The following NAALADL2 variants were observed in gnomAD, a reference collection of about 807,000 sequenced individuals.
The protein encoded by NAALADL2 is inactive N-acetylated-alpha-linked acidic dipeptidase-like protein 2.
In NAALADL2, 76 loss-of-function variants were observed where a neutral mutation model predicts 87.2. That is an observed-to-expected ratio of 0.87 (90% CI 0.72 to 1.05). The LOEUF (loss-of-function observed/expected upper bound fraction) is 1.05. NAALADL2 is among the 50% of genes least tolerant of loss of function. NAALADL2 has a pLI of 0.00. For missense variants in NAALADL2, 1,089 were observed against 945.8 expected (o/e 1.15, Z -1.99); for synonymous variants, 354 against 331.0 (o/e 1.07, Z -0.75).
chr3:174,738,372 G>T (rs1733416064), intron 3 of NAALADL2, among the ~76,000 whole-genome samples: 1 of 152,156 alleles, frequency 6.6e-6, no homozygotes, highest in Non-Finnish European at 1.5e-5. Flanking sequence ...CACACTTCAG[G>T]AACATAGACA....
chr3:174,583,680 C>A (rs1391747380), intron 2 of NAALADL2, among the ~76,000 whole-genome samples: 2 of 152,120 alleles, frequency 1.3e-5, no homozygotes, highest in African/African-American at 4.8e-5. Flanking sequence ...TACGTTGTTT[C>A]TTTTCCTCTC....
chr3:174,645,233 C>T (rs1246941558), intron 2 of NAALADL2, among the ~76,000 whole-genome samples: 3 of 152,136 alleles, frequency 2.0e-5, no homozygotes, highest in Admixed American at 6.5e-5. Context: ...GAGAGTGAAA[C>T]ACATCTCAGT....
At chr3:175,041,277 G>T in intron 1 of NAALADL2, among the ~76,000 whole-genome samples, 1 of 152,078 alleles carries the variant, frequency 6.6e-6, no homozygotes, top group African/African-American at 2.4e-5. Flanking sequence ...TTCTGAAGAT[G>T]TTAATATGTA....
intron 2 of NAALADL2, among the ~76,000 whole-genome samples, chr3:174,664,795 A>C (rs548135203): frequency 6.6e-6 from 1 of 152,316 alleles, no homozygotes; most frequent in East Asian, 1.9e-4. Context: ...TTGATTTACT[A>C]TCTCACTGGT....
chr3:175,749,815 A>G (rs1055606175), intron 12 of NAALADL2, among the ~76,000 whole-genome samples: 1 of 152,222 alleles, frequency 6.6e-6, no homozygotes, highest in South Asian at 2.1e-4. Context: ...CAGTGGATAC[A>G]GTCGTTACTG....
At chr3:175,377,429 C>T (rs780862734) in intron 5 of NAALADL2, among the ~76,000 whole-genome samples, 1 of 152,040 alleles carries the variant, frequency 6.6e-6, no homozygotes, top group Non-Finnish European at 1.5e-5. Context: ...AGGATTGTTA[C>T]TTGTTTTTGC....
intron 5 of NAALADL2, among the ~76,000 whole-genome samples, chr3:175,382,913 C>T (rs1194561247): frequency 6.6e-6 from 1 of 152,032 alleles, no homozygotes; most frequent in African/African-American, 2.4e-5. Context: ...GATTTACACA[C>T]TTGAGTTAAG....
intron 3 of NAALADL2, among the ~76,000 whole-genome samples, chr3:174,751,085 A>G (rs1734773659): frequency 6.6e-6 from 1 of 152,090 alleles, no homozygotes. Context: ...TGGTATCTCC[A>G]GTGGAATTAC....
intron 11 of NAALADL2, among the ~76,000 whole-genome samples, chr3:175,704,710 T>C (rs756306800): frequency 3.3e-5 from 5 of 152,148 alleles, no homozygotes; most frequent in Non-Finnish European, 5.9e-5. Context: ...AATTGGATAT[T>C]TTGGTGACTT....
intron 2 of NAALADL2, among the ~76,000 whole-genome samples, chr3:174,617,512 G>T (rs1050352347): frequency 6.6e-6 from 1 of 151,540 alleles, no homozygotes; most frequent in Non-Finnish European, 1.5e-5. Flanking sequence ...TTTTTATATT[G>T]CATGGGATTG....
chr3:174,455,153 A>G (rs528172554), intron 1 of NAALADL2, among the ~76,000 whole-genome samples: 6 of 152,290 alleles, frequency 3.9e-5, no homozygotes, highest in Non-Finnish European at 8.8e-5. Flanking sequence ...ATTCCTGGAT[A>G]TACACACCCT....
chr3:175,165,475 A>G (rs1560109403), intron 2 of NAALADL2, among the ~76,000 whole-genome samples: 1 of 152,132 alleles, frequency 6.6e-6, no homozygotes, highest in Non-Finnish European at 1.5e-5. Context: ...AAGGCTCAAA[A>G]AAGTTATAAT....
intron 2 of NAALADL2, among the ~76,000 whole-genome samples, chr3:174,687,775 C>CA (rs1439040989): frequency 1.3e-5 from 2 of 152,046 alleles, no homozygotes; most frequent in African/African-American, 2.4e-5. Context: ...AGGGCAGGGC[C>CA]AGGTGGAGAT....
intron 1 of NAALADL2, among the ~76,000 whole-genome samples, chr3:174,928,645 C>T (rs549996680): frequency 1.3e-5 from 2 of 152,272 alleles, no homozygotes; most frequent in African/African-American, 2.4e-5. Flanking sequence ...ACAGAAATTG[C>T]CAAGCAAACT....
intron 2 of NAALADL2, among the ~76,000 whole-genome samples, chr3:174,638,414 C>T (rs1243120342): frequency 6.6e-6 from 1 of 152,064 alleles, no homozygotes; most frequent in Non-Finnish European, 1.5e-5. Context: ...GGACAAAGGA[C>T]CCTAACTCTG....
At chr3:175,208,819 T>C (rs914741255) in intron 2 of NAALADL2, among the ~76,000 whole-genome samples, 16 of 152,172 alleles carry the variant, frequency 1.1e-4, no homozygotes, top group Non-Finnish European at 1.9e-4. Context: ...AGAATAACCA[T>C]GAATCGTTTT....
intron 1 of NAALADL2, among the ~76,000 whole-genome samples, chr3:175,080,040 A>G (rs967763331): frequency 2.0e-5 from 3 of 150,770 alleles, no homozygotes; most frequent in Non-Finnish European, 4.4e-5. Flanking sequence ...ATCTCGGCTC[A>G]CTGCAAGCTC....
At chr3:174,526,679 T>A (rs1223835492) in intron 1 of NAALADL2, among the ~76,000 whole-genome samples, 2 of 66,606 alleles carry the variant, frequency 3.0e-5, no homozygotes, top group Non-Finnish European at 5.4e-5. Context: ...TTTCTTTTTC[T>A]TTTTTTTTTT....
chr3:174,611,976 C>G (rs183334639), intron 2 of NAALADL2, among the ~76,000 whole-genome samples: 41 of 149,646 alleles, frequency 2.7e-4, no homozygotes, highest in African/African-American at 9.4e-4. Flanking sequence ...TAGGACAGAT[C>G]TTGTGTTGAC....
Sources: gnomAD v4.1 joint callset for allele counts (sites outside exome capture counted in the v4.1 genomes callset) on GRCh38, gnomAD v4.1.1 for gene constraint, MANE v1.5 for transcripts, NCBI Gene and HGNC (gene_info 2026-07-23, HGNC 2026-07-21) for gene names.